NXN: variants seen among roughly 807,000 people sequenced by gnomAD.
NXN encodes nucleoredoxin.
A neutral mutation model predicts 48.6 loss-of-function variants in NXN; 16 were observed. The observed-to-expected ratio is 0.33, with a 90% CI of 0.22 to 0.50. The LOEUF (loss-of-function observed/expected upper bound fraction) is 0.50. Ranked by LOEUF, NXN falls within the 20% of genes least tolerant of loss-of-function variation. The pLI, the probability that NXN is intolerant of heterozygous loss-of-function variation, is 0.98. For synonymous variants in NXN, 281 were observed against 269.6 expected (o/e 1.04, Z -0.41); for missense variants, 492 against 605.5 (o/e 0.81, Z 1.97).
chr17:933,103 C>T lies in NXN; in HGVS notation c.360+46216G>A, dbSNP rs573762663. On this transcript the variant is annotated intron_variant, in intron 1 of 7. Transcript: ENST00000336868. Reference sequence around the variant, plus strand: ...AAGATCATTCTGGGGCCACGAGGACCGAGAAACGACACAACCAACCACAGA... The same window carrying T: ...AAGATCATTCTGGGGCCACGAGGACTGAGAAACGACACAACCAACCACAGA... Among the ~76,000 whole-genome samples, 12 of 152,234 alleles carry T rather than the reference C, an allele frequency of 7.9e-5. No individual in the cohort carries two copies. In the South Asian group the frequency reaches 2.3e-3, roughly 29 times the overall value.
chr17:822,232 T>A (rs1179708869), intron 4 of NXN, 125 bp downstream of exon 4: 4 of 631,042 alleles, frequency 6.3e-6, no homozygotes, highest in Non-Finnish European at 1.1e-5. Context: ...TGAGCTGAGA[T>A]CACACCACTG....
chr17:855,829 A>T (rs2067979603), intron 1 of NXN, among the ~76,000 whole-genome samples: 1 of 152,120 alleles, frequency 6.6e-6, no homozygotes, highest in African/African-American at 2.4e-5. Flanking sequence ...CTCAATCAAA[A>T]CCAGCAGAAA....
intron 2 of NXN, 117 bp from the exon 3 acceptor site, chr17:823,882 G>A: frequency 4.1e-6 from 4 of 974,966 alleles, no homozygotes; most frequent in Non-Finnish European, 6.1e-6. Context: ...GGAGACCTCA[G>A]AGCGGCAGGC....
intron 1 of NXN, among the ~76,000 whole-genome samples, chr17:947,068 C>T (rs1254079697): frequency 2.0e-5 from 3 of 152,174 alleles, no homozygotes; most frequent in South Asian, 2.1e-4. Flanking sequence ...GGGCCCAGCA[C>T]GGGCCCCCCA....
In NXN at chr17:849,888, G is replaced by A. The variant is rs1276271813; in HGVS notation, c.361-23810C>T. Among the ~76,000 whole-genome samples the A allele has an allele frequency of 1.3e-5, 2 of 152,210 alleles. No homozygotes were observed. The highest frequency in any genetic ancestry group is 1.5e-5 in the Non-Finnish European group (1 of 68,016). On this transcript the variant is annotated intron_variant, in intron 1 of 7. Transcript: ENST00000336868. The surrounding 1 kb of genome is among the most constrained non-coding windows in gnomAD (Gnocchi z 4.2). ...AGAGACACCAGAGTCAGAGAGGAGC[G>A]AACGAGAGAAGCTGCAGAGCCCCCA...
chr17:940,848 T>A (rs8066355), intron 1 of NXN, among the ~76,000 whole-genome samples: 6 of 125,574 alleles, frequency 4.8e-5, no homozygotes, highest in African/African-American at 1.1e-4. Flanking sequence ...GGATTTACAG[T>A]GAACAAGATT....
chr17:954,319 T>C (rs2069143567), intron 1 of NXN, among the ~76,000 whole-genome samples: 1 of 151,990 alleles, frequency 6.6e-6, no homozygotes, highest in Non-Finnish European at 1.5e-5. Flanking sequence ...AGGTGGAGGT[T>C]GCAGTGAGCC....
At chr17:824,083 C>T (rs140344974) in intron 2 of NXN, among the ~76,000 whole-genome samples, 32 of 149,190 alleles carry the variant, frequency 2.1e-4, no homozygotes, top group African/African-American at 7.2e-4. Context: ...TCTGTCGCCC[C>T]GGCTGGAGTG....
intron 1 of NXN, among the ~76,000 whole-genome samples, chr17:951,369 G>A (rs1430848696): frequency 6.7e-6 from 1 of 149,254 alleles, no homozygotes; most frequent in Non-Finnish European, 1.5e-5. Flanking sequence ...AAAAAAGACT[G>A]AACAGCTTCT....
intron 1 of NXN, among the ~76,000 whole-genome samples, chr17:850,504 C>T (rs1412907992): frequency 6.6e-6 from 1 of 152,228 alleles, no homozygotes; most frequent in Non-Finnish European, 1.5e-5. Flanking sequence ...AGCAAACTCA[C>T]AAACTTGCCA....
rs751147230 is a variant in NXN, at chr17:822,443, T to G, written c.627A>C (p.Arg209=). The G allele has an allele frequency of 1.7e-5, 27 of 1,613,918 alleles. No individual in the cohort carries two copies. Among genetic ancestry groups the G allele is most frequent in the Non-Finnish European group, 2.2e-5 (26 of 1,179,930 alleles). ...YFSAHWCPPC[R]SLTRVLVESY... is the part of the protein sequence containing the mutation. ...ATTCCACCAGGACCCGGGTGAGGCT[T>G]CGGCAGGGCGGACACTGAAAGACAG... is the stretch of plus-strand genomic sequence containing the variant. The change falls in exon 4 of 8, where the codon CGA becomes CGC. Residue 209 remains arginine (R), a synonymous_variant. Coordinates refer to ENST00000336868, the MANE Select transcript of NXN (RefSeq NM_022463.5).
intron 1 of NXN, among the ~76,000 whole-genome samples, chr17:904,763 C>A (rs899030878): frequency 6.6e-6 from 1 of 152,112 alleles, no homozygotes; most frequent in Non-Finnish European, 1.5e-5. Context: ...AGGCTGGTCT[C>A]GATCTCCTGA....
At chr17:935,272 G>T (rs1272096698) in intron 1 of NXN, among the ~76,000 whole-genome samples, 1 of 83,368 alleles carries the variant, frequency 1.2e-5, no homozygotes. Flanking sequence ...GGAATTACAG[G>T]TGTGAGCCAC....
chr17:967,344 C>T (rs1460125458), intron 1 of NXN, among the ~76,000 whole-genome samples: 1 of 152,204 alleles, frequency 6.6e-6, no homozygotes, highest in East Asian at 1.9e-4. Flanking sequence ...GAGGAACAGC[C>T]TGCCAGAGGC....
chr17:817,180 G>A (rs1567815390), intron 5 of NXN, among the ~76,000 whole-genome samples: 1 of 152,088 alleles, frequency 6.6e-6, no homozygotes, highest in Non-Finnish European at 1.5e-5. Context: ...GCACTGCCTG[G>A]AGGCTGCTCA....
rs555588150 is a variant in NXN, at chr17:811,516, G to T, written c.821-6269C>A. ...TGCGTAAAGCCCCGGGGTTGGGGGGGGGGCAGCACTCTGGAAGCCAGTTAT... is the reference window on the plus strand; with the variant it reads ...TGCGTAAAGCCCCGGGGTTGGGGGGTGGGCAGCACTCTGGAAGCCAGTTAT... On this transcript the variant is annotated intron_variant, in intron 5 of 7. Transcript: ENST00000336868. Among the ~76,000 whole-genome samples, 30 of 152,146 alleles carry T rather than the reference G, an allele frequency of 2.0e-4. No individual in the cohort carries two copies. In the Middle Eastern group the frequency reaches 0.014, roughly 69 times the overall value.
intron 5 of NXN, among the ~76,000 whole-genome samples, chr17:808,567 T>C (rs1388244456): frequency 1.3e-5 from 2 of 151,986 alleles, no homozygotes. Flanking sequence ...AGTGCTGAGA[T>C]AACAGGTGTG....
chr17:842,989 AG>A lies in NXN; in HGVS notation c.361-16912del, dbSNP rs1489385264. On this transcript the variant is annotated intron_variant, in intron 1 of 7. Coordinates refer to ENST00000336868, the MANE Select transcript of NXN (RefSeq NM_022463.5). ...GAGAGAAAGAGAGAAAGAGAGAAAG[AG>A]AGAAAGAGAGAAAGAGAGAAAGAAA... is the stretch of plus-strand genomic sequence containing the variant. 8.8e-3 allele frequency among the ~76,000 whole-genome samples: 961 copies of A among 108,874 alleles called. 9 individuals are homozygous for A. Among genetic ancestry groups the A allele is most frequent in the African/African-American group, 0.036 (919 of 25,564 alleles). The allele number at this position is 108,874 out of a possible 152,430, so 71.4% of individuals were successfully genotyped here. A position where few individuals can be genotyped will look rare whatever the true frequency, so the allele number is the denominator to read the frequency against.
At chr17:885,301 C>A (rs1026846036) in intron 1 of NXN, among the ~76,000 whole-genome samples, 1 of 152,006 alleles carries the variant, frequency 6.6e-6, no homozygotes, top group East Asian at 1.9e-4. Flanking sequence ...AACATGGTGA[C>A]ACCTCGTCTC....
Sources: allele counts gnomAD v4.1 joint callset (sites outside exome capture counted in the v4.1 genomes callset), GRCh38; gene constraint gnomAD v4.1.1; non-coding constraint Gnocchi (gnomAD v3.1); transcripts MANE v1.5; gene names NCBI Gene and HGNC (gene_info 2026-07-23, HGNC 2026-07-21).